Variants in SPSB4 observed in about 807,000 individuals in gnomAD.
SPSB4 encodes splA/ryanodine receptor domain and SOCS box containing 4.
In SPSB4, 21 loss-of-function variants were observed where a neutral mutation model predicts 20.9. The observed-to-expected ratio is 1.01, with a 90% CI of 0.71 to 1.45. The LOEUF is 1.45. Among genes scored for constraint, SPSB4 ranks in the 40% most tolerant of loss-of-function variants. The pLI, the probability that SPSB4 is intolerant of heterozygous loss-of-function variation, is 0.00. For synonymous variants in SPSB4, 207 were observed against 183.8 expected (o/e 1.13, Z -1.02); for missense variants, 399 against 399.2 (o/e 1.00, Z 0.00).
chr3:141,108,445 G>A (rs1244955104), intron 2 of SPSB4, among the ~76,000 whole-genome samples: 2 of 152,166 alleles, frequency 1.3e-5, no homozygotes, highest in Non-Finnish European at 2.9e-5. Flanking sequence ...ATTCAGATGA[G>A]GCCAAAGCAG....
chr3:141,100,029 C>T (rs1240196715), intron 2 of SPSB4, among the ~76,000 whole-genome samples: 1 of 152,186 alleles, frequency 6.6e-6, no homozygotes, highest in Non-Finnish European at 1.5e-5. Flanking sequence ...CTCTGGCTCC[C>T]CATGGCTCTG....
chr3:141,105,233 T>C (rs1938669511), intron 2 of SPSB4, among the ~76,000 whole-genome samples: 1 of 152,162 alleles, frequency 6.6e-6, no homozygotes, highest in Non-Finnish European at 1.5e-5. Context: ...GAGGCTGAGG[T>C]GCGTGGTGAA....
At chr3:141,144,948 G>C (rs1207885710) in intron 2 of SPSB4, among the ~76,000 whole-genome samples, 1 of 152,146 alleles carries the variant, frequency 6.6e-6, no homozygotes, top group African/African-American at 2.4e-5. Context: ...GACAGGGAGT[G>C]GGAGAACTGG....
intron 2 of SPSB4, among the ~76,000 whole-genome samples, chr3:141,139,103 C>G (rs1312550457): frequency 6.6e-6 from 1 of 152,112 alleles, no homozygotes; most frequent in Admixed American, 6.5e-5. Flanking sequence ...CCTTCTTTGT[C>G]TCTTTTGATC....
intron 2 of SPSB4, among the ~76,000 whole-genome samples, chr3:141,081,761 G>C (rs1467887268): frequency 6.6e-6 from 1 of 152,154 alleles, no homozygotes; most frequent in African/African-American, 2.4e-5. Flanking sequence ...CTTTGTGGGT[G>C]AAATGGGAAA....
At chr3:141,139,118 T>C (rs1939278080) in intron 2 of SPSB4, among the ~76,000 whole-genome samples, 1 of 152,202 alleles carries the variant, frequency 6.6e-6, no homozygotes, top group African/African-American at 2.4e-5. Flanking sequence ...TTGATCTTTG[T>C]TGGTTTAAAG....
intron 1 of SPSB4, among the ~76,000 whole-genome samples, chr3:141,065,015 G>C (rs751698205): frequency 6.6e-6 from 1 of 152,144 alleles, no homozygotes; most frequent in Non-Finnish European, 1.5e-5. Context: ...AAAACCTGTC[G>C]GCAGAGTTCC....
At chr3:141,075,137 G>A (rs558630529) in intron 2 of SPSB4, among the ~76,000 whole-genome samples, 5 of 151,840 alleles carry the variant, frequency 3.3e-5, no homozygotes, top group South Asian at 2.1e-4. Flanking sequence ...TTCTGAGTCC[G>A]TATTGAAAAA....
intron 2 of SPSB4, among the ~76,000 whole-genome samples, chr3:141,114,657 C>T (rs547025192): frequency 3.3e-5 from 5 of 152,314 alleles, no homozygotes; most frequent in Non-Finnish European, 5.9e-5. Flanking sequence ...TTGTTATCCA[C>T]GGTCAAGGGC....
chr3:141,104,706 G>A (rs1353013080), intron 2 of SPSB4, among the ~76,000 whole-genome samples: 2 of 152,224 alleles, frequency 1.3e-5, no homozygotes, highest in African/African-American at 4.8e-5. Context: ...GCCAGCACAG[G>A]CTGCGCGGCC....
chr3:141,142,545 A>G (rs1361199862), intron 2 of SPSB4, among the ~76,000 whole-genome samples: 3 of 152,112 alleles, frequency 2.0e-5, no homozygotes, highest in Non-Finnish European at 2.9e-5. Context: ...TTCTGTAAAT[A>G]TTTGTTAAGT....
intron 2 of SPSB4, among the ~76,000 whole-genome samples, chr3:141,127,926 TC>T (rs1445779029): frequency 6.6e-6 from 1 of 152,158 alleles, no homozygotes; most frequent in Non-Finnish European, 1.5e-5. Context: ...CATTTCCTAG[TC>T]CTTAGCCCTG....
At chr3:141,075,458 G>A (rs1938087594) in intron 2 of SPSB4, among the ~76,000 whole-genome samples, 1 of 152,146 alleles carries the variant, frequency 6.6e-6, no homozygotes, top group Non-Finnish European at 1.5e-5. Flanking sequence ...TAACTTTGCA[G>A]TTCCTCGGTA....
chr3:141,142,803 C>CTTTT lies in SPSB4; in HGVS notation c.695-4311_695-4308dup, dbSNP rs57674247. ...ATTATGATATAATGTCCCTCTTTGT[C>CTTTT]TTTTTTTTTTTTTTTTTTTTTTTTT... is the stretch of plus-strand genomic sequence containing the variant. On this transcript the variant is annotated intron_variant, in intron 2 of 2. Transcript: ENST00000310546. 2.9e-3 allele frequency among the ~76,000 whole-genome samples: 179 copies of CTTTT among 62,040 alleles called. 24 individuals are homozygous for CTTTT. Among genetic ancestry groups the CTTTT allele is most frequent in the Non-Finnish European group, 4.8e-3 (148 of 30,586 alleles). 40.7% of individuals were successfully genotyped at this position (62,040 alleles called of 152,430 possible).
chr3:141,145,600 C>T (rs1226692802), intron 2 of SPSB4, among the ~76,000 whole-genome samples: 1 of 152,134 alleles, frequency 6.6e-6, no homozygotes, highest in Non-Finnish European at 1.5e-5. Flanking sequence ...TACCACTCAA[C>T]AGTTTTGTTG....
At chr3:141,058,218 A>G (rs1052148947) in intron 1 of SPSB4, among the ~76,000 whole-genome samples, 2 of 151,906 alleles carry the variant, frequency 1.3e-5, no homozygotes, top group Non-Finnish European at 2.9e-5. Context: ...ACTGTGCATC[A>G]TATTTTTCAA....
intron 1 of SPSB4, among the ~76,000 whole-genome samples, chr3:141,061,767 C>T (rs1210405004): frequency 6.8e-6 from 1 of 147,568 alleles, no homozygotes; most frequent in Non-Finnish European, 1.5e-5. Flanking sequence ...ATGGAGTCTC[C>T]CTCTGTCACC....
chr3:141,099,335 C>T (rs373930037), intron 2 of SPSB4, among the ~76,000 whole-genome samples: 8 of 152,110 alleles, frequency 5.3e-5, no homozygotes, highest in African/African-American at 1.9e-4. Flanking sequence ...CAGGCGCATG[C>T]CACCATGCCC....
intron 2 of SPSB4, among the ~76,000 whole-genome samples, chr3:141,076,769 G>C (rs574365178): frequency 6.6e-6 from 1 of 152,312 alleles, no homozygotes; most frequent in South Asian, 2.1e-4. Context: ...GGTGGTCCCA[G>C]GCCTTGGATT....
Sources: gnomAD v4.1 joint callset for allele counts (sites outside exome capture counted in the v4.1 genomes callset) on GRCh38, gnomAD v4.1.1 for gene constraint, MANE v1.5 for transcripts, NCBI Gene and HGNC (gene_info 2026-07-23, HGNC 2026-07-21) for gene names.